The following MFGE8 variants were observed in gnomAD, a reference collection of about 807,000 sequenced individuals.
MFGE8 encodes the protein milk fat globule EGF and factor V/VIII domain containing, also known as lactadherin.
In MFGE8, 34 loss-of-function variants were observed where a neutral mutation model predicts 42.6. That is an observed-to-expected ratio of 0.80 (90% confidence interval 0.61 to 1.06). The LOEUF (loss-of-function observed/expected upper bound fraction) is 1.06. Among genes scored for constraint, MFGE8 ranks in the 50% least tolerant of loss-of-function variants. The pLI is 0.00. For missense variants in MFGE8, 510 were observed against 516.9 expected (o/e 0.99, Z 0.13); for synonymous variants, 230 against 214.8 (o/e 1.07, Z -0.62).
Position 88,906,441 on chromosome 15 carries a change from C to T in MFGE8, c.540+185G>A, listed in dbSNP as rs569319095. 1.9e-5 allele frequency: 13 copies of T among 683,892 alleles called. No individual in the cohort carries two copies. Among genetic ancestry groups the T allele is most frequent in the African/African-American group, 1.6e-4 (9 of 56,272 alleles). 42.4% of individuals were successfully genotyped at this position (683,892 alleles called of 1,614,324 possible). Reference sequence around the variant, plus strand: ...TCTCATCTCTAAAGTGGGACTATTGCTTATAAACCACAGAACATGGACACA... The same window carrying T: ...TCTCATCTCTAAAGTGGGACTATTGTTTATAAACCACAGAACATGGACACA... On this transcript the variant is annotated intron_variant, in intron 4 of 7. Coordinates refer to ENST00000268150, the MANE Select transcript of MFGE8 (RefSeq NM_005928.4). This position sits in a 1 kb window ranked among gnomAD's most constrained non-coding sequence, Gnocchi z 4.2.
chr15:88,912,723 C>T, intron 1 of MFGE8: 2 of 985,402 alleles, frequency 2.0e-6, no homozygotes, highest in Non-Finnish European at 2.4e-6. Context: ...CACTTACGGC[C>T]TGCGTCCATT....
In MFGE8 at chr15:88,907,225, G is replaced by A; in HGVS notation, c.357C>T (p.Pro119=). ...TCCAGGGGTTATCGTCATTGCTGCT[G>A]GGTGTCCAGGCATTGACCATGCCTG... ...NRAGMVNAWT[P]SSNDDNPWIQ... Residue 119 remains proline, a synonymous_variant, in exon 3 of 8, where the codon CCC becomes CCT. Coordinates refer to ENST00000268150, the MANE Select transcript of MFGE8 (RefSeq NM_005928.4). 1.2e-6 allele frequency: 2 copies of A among 1,613,968 alleles called. No individual in the cohort carries two copies. The highest frequency in any genetic ancestry group is 1.7e-6 in the Non-Finnish European group (2 of 1,179,966).
chr15:88,908,100 C>T (rs1159457331), intron 2 of MFGE8, among the ~76,000 whole-genome samples: 1 of 152,172 alleles, frequency 6.6e-6, no homozygotes. Context: ...AAGGCCCCAC[C>T]CCCCTCACCA....
chr15:88,907,961 T>A (rs1051632386), intron 2 of MFGE8, among the ~76,000 whole-genome samples: 3 of 152,186 alleles, frequency 2.0e-5, no homozygotes, highest in Non-Finnish European at 2.9e-5. Context: ...GAAGCTAATC[T>A]GCCTGGAGTT....
At position 88,901,602 on chromosome 15, in the gene MFGE8, G is replaced by T. The variant is rs1380024995; in HGVS notation, c.819C>A (p.Gly273=). 3 of 1,541,490 alleles carry T rather than the reference G, an allele frequency of 1.9e-6. No homozygotes were observed. The highest frequency in any genetic ancestry group is 2.5e-5 in the East Asian group (1 of 39,296). Residue 273 remains glycine, a synonymous_variant, in exon 6 of 8, where the codon GGC becomes GGA. Coordinates refer to ENST00000268150, the MANE Select transcript of MFGE8 (RefSeq NM_005928.4). ...TCCCCGCAACCCAGGCGTTGAAGTTGCCCTGCTTGTCCAGCCGTGCATAGG... is the reference window on the plus strand; with the variant it reads ...TCCCCGCAACCCAGGCGTTGAAGTTTCCCTGCTTGTCCAGCCGTGCATAGG... The part of the protein sequence containing the change: ...NPSYARLDKQ[G]NFNAWVAGSY...
chr15:88,906,165 C>T lies in MFGE8; in HGVS notation c.541-264G>A, dbSNP rs1237729201. On this transcript the variant is annotated intron_variant, in intron 4 of 7. Transcript: ENST00000268150. This position sits in a 1 kb window ranked among gnomAD's most constrained non-coding sequence, Gnocchi z 4.2. The stretch of plus-strand genomic sequence containing the variant: ...ATAGCTGACACAGGGCCACCTGTAA[C>T]CTACAGGGTACCTCTTTGCAAATTA... The T allele has an allele frequency of 1.8e-6, 1 of 553,444 alleles. No individual in the cohort carries two copies. Among genetic ancestry groups the T allele is most frequent in the Non-Finnish European group, 3.2e-6 (1 of 307,922 alleles). 34.3% of individuals were successfully genotyped at this position (553,444 alleles called of 1,614,324 possible). A position where few individuals can be genotyped will look rare whatever the true frequency, so the allele number is the denominator to read the frequency against.
intron 1 of MFGE8, chr15:88,910,343 T>C (rs1192302951): frequency 1.3e-5 from 4 of 313,480 alleles, no homozygotes; most frequent in Non-Finnish European, 2.5e-5. Flanking sequence ...AAGGAAGCAT[T>C]GTTCTGGCCC....
chr15:88,899,376 T>TG lies in MFGE8; in HGVS notation c.*18dup. On this transcript the variant is annotated 3_prime_UTR_variant, in exon 8 of 8. Transcript: ENST00000268150. The surrounding 1 kb of genome is among the most constrained non-coding windows in gnomAD (Gnocchi z 6.8). ...CGGGCCCATGGAAAGCAGGAAGACC[T>TG]GGGGGTGGCAGGTGGCCACTAACAG... 1 of 1,613,722 alleles carries TG rather than the reference T, an allele frequency of 6.2e-7. No individual in the cohort carries two copies.
In MFGE8 at chr15:88,901,596, G is replaced by T. The variant is rs1776953903; in HGVS notation, c.825C>A (p.Phe275Leu). 6.2e-7 allele frequency: 1 copy of T among 1,610,994 alleles called. No individual in the cohort carries two copies. The highest frequency in any genetic ancestry group is 8.5e-7 in the Non-Finnish European group (1 of 1,178,294). The change falls in exon 6 of 8, where the codon TTC becomes TTA. Residue 275 changes from phenylalanine (F) to leucine (L), a missense_variant. By Grantham distance (22) the Phe-to-Leu change is conservative. Transcript: ENST00000268150. ...CGTAGCTCCCCGCAACCCAGGCGTT[G>T]AAGTTGCCCTGCTTGTCCAGCCGTG... is the stretch of plus-strand genomic sequence containing the variant. ...SYARLDKQGN[F>L]NAWVAGSYGN...
chr15:88,902,201 G>T lies in MFGE8; in HGVS notation c.686-466C>A. The T allele has an allele frequency of 5.8e-6, 1 of 173,424 alleles. No individual in the cohort carries two copies. The highest frequency in any genetic ancestry group is 1.5e-4 in the East Asian group (1 of 6,814). 10.7% of individuals were successfully genotyped at this position (173,424 alleles called of 1,614,324 possible). On this transcript the variant is annotated intron_variant, in intron 5 of 7. Coordinates refer to ENST00000268150, the MANE Select transcript of MFGE8 (RefSeq NM_005928.4). This position sits in a 1 kb window ranked among gnomAD's most constrained non-coding sequence, Gnocchi z 4.3. Reference sequence around the variant, plus strand: ...TATCTACTTTAATAACAACCACATTGTTTATTCAGTGCTTACTTCAGTCAT... The same window carrying T: ...TATCTACTTTAATAACAACCACATTTTTTATTCAGTGCTTACTTCAGTCAT...
Position 88,909,931 on chromosome 15 carries a change from C to A in MFGE8, c.74-8G>T. The A allele has an allele frequency of 6.2e-7, 1 of 1,613,938 alleles. No homozygotes were observed. The highest frequency in any genetic ancestry group is 8.5e-7 in the Non-Finnish European group (1 of 1,179,904). Reference sequence around the variant, plus strand: ...GGTTTTTGGAACAGATATCTGGGGACAGAGACAGGTAAGATGAGCAGATGA... The same window carrying A: ...GGTTTTTGGAACAGATATCTGGGGAAAGAGACAGGTAAGATGAGCAGATGA... On this transcript the variant is annotated splice_region_variant and splice_polypyrimidine_tract_variant and intron_variant, in intron 1 of 7. Transcript: ENST00000268150.
intron 6 of MFGE8, 40 bp downstream of exon 6, chr15:88,901,511 C>CCCCCACCCCCCCCCCCCCA: frequency 1.1e-6 from 1 of 908,664 alleles, no homozygotes; most frequent in Non-Finnish European, 1.8e-6. Flanking sequence ...CACCTCATCC[C>CCCCCACCCCCCCCCCCCCA]ACCCAACCCC....
chr15:88,900,447 T>C lies in MFGE8; in HGVS notation c.871-636A>G, dbSNP rs148421223. 3.0e-4 allele frequency among the ~76,000 whole-genome samples: 46 copies of C among 152,228 alleles called. No homozygotes were observed. In the East Asian group the frequency reaches 8.9e-3, roughly 30 times the overall value. ...CACAGCCTGGAGGGGCATGAACTGC[T>C]CTAGAGGCTCCCTGCGGCGCCGCCC... is the stretch of plus-strand genomic sequence containing the variant. On this transcript the variant is annotated intron_variant, in intron 6 of 7. Coordinates refer to ENST00000268150, the MANE Select transcript of MFGE8 (RefSeq NM_005928.4).
chr15:88,899,499 T>C lies in MFGE8; in HGVS notation c.1060A>G (p.Lys354Glu). 3 of 1,614,158 alleles carry C rather than the reference T, an allele frequency of 1.9e-6. No individual in the cohort carries two copies. The highest frequency in any genetic ancestry group is 2.5e-6 in the Non-Finnish European group (3 of 1,180,022). Residue 354 changes from lysine to glutamate, a missense_variant, in exon 8 of 8, where the codon AAG (lysine) becomes GAG (glutamate). Transcript: ENST00000268150. This position sits in a 1 kb window ranked among gnomAD's most constrained non-coding sequence, Gnocchi z 6.8. The part of the protein sequence containing the change: ...FPGNWDNHSH[K>E]KNLFETPILA... ...ATGGGCGTCTCAAACAAGTTCTTCT[T>C]GTGGGAGTGGTTGTCCCAGTTGCCA...
Position 88,899,634 on chromosome 15 carries a change from G to A in MFGE8, c.1026+22C>T. ...AAGTAATGAAGGAATGGCAAAGGGT[G>A]GGCAGCTGGACAGACACCCACCTTA... On this transcript the variant is annotated intron_variant, in intron 7 of 7. Coordinates refer to ENST00000268150, the MANE Select transcript of MFGE8 (RefSeq NM_005928.4). This position sits in a 1 kb window ranked among gnomAD's most constrained non-coding sequence, Gnocchi z 6.8. The A allele has an allele frequency of 1.2e-6, 2 of 1,614,122 alleles. No individual in the cohort carries two copies. Among genetic ancestry groups the A allele is most frequent in the Non-Finnish European group, 8.5e-7 (1 of 1,180,000 alleles).
intron 1 of MFGE8, among the ~76,000 whole-genome samples, chr15:88,911,742 A>G (rs1898967177): frequency 6.6e-6 from 1 of 151,312 alleles, no homozygotes; most frequent in Non-Finnish European, 1.5e-5. Context: ...GAAAAAAGAA[A>G]AAAAAAAAAA....
intron 1 of MFGE8, chr15:88,910,439 C>T: frequency 1.4e-5 from 3 of 220,404 alleles, no homozygotes; most frequent in Non-Finnish European, 1.8e-5. Flanking sequence ...AGGAACAGCA[C>T]GATGATCATC....
At chr15:88,907,602 G>A (rs570994944) in intron 2 of MFGE8, among the ~76,000 whole-genome samples, 1 of 152,208 alleles carries the variant, frequency 6.6e-6, no homozygotes, top group African/African-American at 2.4e-5. Context: ...GAGGATGAGG[G>A]GGGTGGGCAG....
At position 88,907,353 on chromosome 15, in the gene MFGE8, C is replaced by A; in HGVS notation, c.229G>T (p.Glu77Ter). ...ETKCVEPLGLENGNIANSQIA... is the reference protein window; with the variant it reads ...ETKCVEPLGL ...TGTGAGTTGGCAATGTTCCCATTCT[C>A]CAGGCCCAGTGGCTCGACACATTCT... Residue 77 changes from glutamate to a stop codon, truncating the protein, a stop_gained, in exon 3 of 8, where the codon GAG (glutamate) becomes TAG (stop). Transcript: ENST00000268150. LOFTEE classifies it high-confidence loss of function. 6.2e-7 allele frequency: 1 copy of A among 1,614,198 alleles called. No individual in the cohort carries two copies.
Sources: gnomAD v4.1 joint callset for allele counts (sites outside exome capture counted in the v4.1 genomes callset) on GRCh38, gnomAD v4.1.1 for gene constraint, Gnocchi (gnomAD v3.1) non-coding constraint, MANE v1.5 for transcripts, NCBI Gene and HGNC (gene_info 2026-07-23, HGNC 2026-07-21) for gene names.